DSTN: variants seen among roughly 807,000 people sequenced by gnomAD.
The protein encoded by DSTN is destrin, actin depolymerizing factor, also known as destrin.
In DSTN, 10 loss-of-function variants were observed where a neutral mutation model predicts 16.8. The ratio of observed to expected loss-of-function variants is 0.60; its 90% CI spans 0.37 to 1.01. The LOEUF (loss-of-function observed/expected upper bound fraction) is 1.01, where lower values mean the gene tolerates loss of function less well. Among genes scored for constraint, DSTN ranks in the 50% least tolerant of loss-of-function variants. DSTN has a pLI of 0.01. For missense variants in DSTN, 141 were observed against 196.7 expected, an observed-to-expected ratio of 0.72 and a Z score of 1.69; for synonymous variants, 57 against 58.9, an observed-to-expected ratio of 0.97 and a Z score of 0.14.
intron 1 of DSTN, among the ~76,000 whole-genome samples, chr20:17,587,290 A>G (rs2035421007): frequency 1.3e-5 from 2 of 151,230 alleles, no homozygotes; most frequent in Admixed American, 1.3e-4. Flanking sequence ...TTTTTGAGAC[A>G]GGGTCTTGCT....
In DSTN at chr20:17,600,761, T is replaced by G. The variant is rs770086196; in HGVS notation, c.27T>G (p.Asp9Glu). The G allele has an allele frequency of 2.5e-6, 4 of 1,611,468 alleles. No homozygotes were observed. In the Admixed American group the frequency reaches 6.7e-5, roughly 27 times the overall value. MASGVQVA[D>E]EVCRIFYDMK... ...AGGCCTCAGGAGTGCAAGTAGCTGA[T>G]GAAGTATGTCGCATTTTTTATGACA... Residue 9 changes from aspartate (D) to glutamate (E), a missense_variant, in exon 2 of 4, where the codon GAT (aspartate) becomes GAG (glutamate). Physicochemically the swap from Asp to Glu is conservative, Grantham distance 45. Coordinates refer to ENST00000246069, the MANE Select transcript of DSTN (RefSeq NM_006870.4).
chr20:17,586,012 AAG>A (rs771424662), intron 1 of DSTN, among the ~76,000 whole-genome samples: 39 of 151,828 alleles, frequency 2.6e-4, no homozygotes, highest in Middle Eastern at 3.4e-3. Flanking sequence ...GACAAAAAAG[AAG>A]AGAGAGAGAG....
chr20:17,605,660 C>T (rs1156462132), intron 3 of DSTN, among the ~76,000 whole-genome samples: 1 of 152,202 alleles, frequency 6.6e-6, no homozygotes, highest in African/African-American at 2.4e-5. Context: ...AAGTGTGTCA[C>T]TGGGTTGCTA....
At chr20:17,600,322 C>G (rs557999368) in intron 1 of DSTN, among the ~76,000 whole-genome samples, 233 of 152,074 alleles carry the variant, frequency 1.5e-3, no homozygotes, top group African/African-American at 5.4e-3. Context: ...TGGAAATTTC[C>G]CAGTCTAGCA....
intron 1 of DSTN, among the ~76,000 whole-genome samples, chr20:17,577,558 C>A (rs1202123766): frequency 3.2e-5 from 4 of 126,356 alleles, no homozygotes; most frequent in East Asian, 6.3e-4. Flanking sequence ...CAAAGCAAGA[C>A]CCTGTCTCAA....
intron 3 of DSTN, chr20:17,605,269 C>T (rs1205320489): frequency 4.7e-6 from 2 of 424,346 alleles, no homozygotes; most frequent in East Asian, 1.4e-4. Context: ...GCACTGAGGG[C>T]GAAGCCTGTC....
chr20:17,582,637 A>G (rs901124153), intron 1 of DSTN, among the ~76,000 whole-genome samples: 5 of 152,214 alleles, frequency 3.3e-5, no homozygotes, highest in African/African-American at 4.8e-5. Flanking sequence ...TGCTGGCACA[A>G]TTGGATATCC....
chr20:17,571,285 A>G (rs1037489433), intron 1 of DSTN, among the ~76,000 whole-genome samples: 1 of 152,240 alleles, frequency 6.6e-6, no homozygotes, highest in Non-Finnish European at 1.5e-5. Context: ...CTGTAATTGC[A>G]TCTGTCTAGA....
At chr20:17,596,133 A>C (rs973942944) in intron 1 of DSTN, among the ~76,000 whole-genome samples, 2 of 152,110 alleles carry the variant, frequency 1.3e-5, no homozygotes, top group African/African-American at 4.8e-5. Flanking sequence ...TTTCCTCCTC[A>C]AAATATTCTC....
chr20:17,585,047 G>A (rs1211827666), intron 1 of DSTN, among the ~76,000 whole-genome samples: 1 of 152,144 alleles, frequency 6.6e-6, no homozygotes, highest in Non-Finnish European at 1.5e-5. Flanking sequence ...GGGTTAAAGG[G>A]TCAATGGGTA....
At chr20:17,591,792 T>A (rs1208588046) in intron 1 of DSTN, 1 of 653,376 alleles carries the variant, frequency 1.5e-6, no homozygotes, top group Non-Finnish European at 1.9e-6. Flanking sequence ...GTGACATAGC[T>A]AGTTAGTAGA....
intron 1 of DSTN, among the ~76,000 whole-genome samples, chr20:17,577,452 A>C (rs1336965454): frequency 6.6e-6 from 1 of 152,112 alleles, no homozygotes; most frequent in Non-Finnish European, 1.5e-5. Flanking sequence ...ATGTAGTCCC[A>C]GCTACTTGAG....
Position 17,603,177 on chromosome 20 carries a change from A to C in DSTN, c.312-1378A>C, listed in dbSNP as rs79630748. Among the ~76,000 whole-genome samples, 1,277 of 152,258 alleles carry C rather than the reference A, an allele frequency of 8.4e-3. 16 individuals are homozygous for C. The highest frequency in any genetic ancestry group is 0.029 in the African/African-American group (1,224 of 41,538). On this transcript the variant is annotated intron_variant, in intron 2 of 3. Transcript: ENST00000246069. ...TTTCCCAAGAATGGAATCTCTGCTC[A>C]CTAGGGTAAGGGGTACACTAGGTGA... is the stretch of plus-strand genomic sequence containing the variant.
At chr20:17,582,662 G>T (rs1011008859) in intron 1 of DSTN, among the ~76,000 whole-genome samples, 1 of 152,130 alleles carries the variant, frequency 6.6e-6, no homozygotes, top group African/African-American at 2.4e-5. Context: ...GCAAAAGAAC[G>T]TATTTGGATC....
At chr20:17,594,110 TAAATAA>T (rs1198167486) in intron 1 of DSTN, among the ~76,000 whole-genome samples, 30 of 151,772 alleles carry the variant, frequency 2.0e-4, no homozygotes, top group Non-Finnish European at 3.2e-4. Context: ...AATAAATAAA[TAAATAA>T]ATAGCTATTT....
At chr20:17,592,357 G>A (rs925056243) in intron 1 of DSTN, among the ~76,000 whole-genome samples, 1 of 151,118 alleles carries the variant, frequency 6.6e-6, no homozygotes, top group African/African-American at 2.4e-5. Flanking sequence ...AGCCCAGGAG[G>A]TCAGGGCTCC....
chr20:17,601,552 T>A (rs2035587651), intron 2 of DSTN, among the ~76,000 whole-genome samples: 1 of 152,228 alleles, frequency 6.6e-6, no homozygotes, highest in South Asian at 2.1e-4. Flanking sequence ...TGTGGCTATT[T>A]AAATTATTTA....
intron 1 of DSTN, among the ~76,000 whole-genome samples, chr20:17,575,556 A>T (rs1245303316): frequency 6.6e-6 from 1 of 151,710 alleles, no homozygotes; most frequent in African/African-American, 2.4e-5. Context: ...GTCCACCCTC[A>T]GGCTCAGTCA....
intron 1 of DSTN, among the ~76,000 whole-genome samples, chr20:17,597,950 G>T (rs1309609252): frequency 1.3e-5 from 2 of 152,060 alleles, no homozygotes; most frequent in African/African-American, 2.4e-5. Context: ...TGCAATAGGT[G>T]CCCTTTTCTG....
Sources: allele counts gnomAD v4.1 joint callset (sites outside exome capture counted in the v4.1 genomes callset), GRCh38; gene constraint gnomAD v4.1.1; transcripts MANE v1.5; gene names NCBI Gene and HGNC (gene_info 2026-07-23, HGNC 2026-07-21).